Variants in MPZL1 observed in about 807,000 individuals in gnomAD.
MPZL1 encodes myelin protein zero-like protein 1.
In MPZL1, 16 loss-of-function variants were observed where a neutral mutation model predicts 29.3. The observed-to-expected ratio is 0.55, with a 90% CI of 0.37 to 0.83. The LOEUF (loss-of-function observed/expected upper bound fraction) is 0.83. Ranked by LOEUF, MPZL1 falls within the 40% of genes least tolerant of loss-of-function variation. The pLI, the probability that MPZL1 is intolerant of heterozygous loss-of-function variation, is 0.00. For synonymous variants in MPZL1, 143 were observed against 132.0 expected, an observed-to-expected ratio of 1.08 and a Z score of -0.57; for missense variants, 279 against 332.9, an observed-to-expected ratio of 0.84 and a Z score of 1.26.
intron 1 of MPZL1, among the ~76,000 whole-genome samples, chr1:167,759,150 TA>T (rs1477321512): frequency 2.0e-5 from 3 of 152,250 alleles, no homozygotes; most frequent in Admixed American, 6.5e-5. Flanking sequence ...GCCATAATTA[TA>T]AATCCTTGGC....
intron 5 of MPZL1, among the ~76,000 whole-genome samples, chr1:167,778,516 G>C (rs1661418206): frequency 6.1e-5 from 9 of 146,638 alleles, no homozygotes. Flanking sequence ...GTGGAAAGAA[G>C]GAAGGAAGGA....
intron 1 of MPZL1, among the ~76,000 whole-genome samples, chr1:167,735,682 C>T (rs778789808): frequency 3.9e-5 from 6 of 152,128 alleles, no homozygotes; most frequent in Non-Finnish European, 7.3e-5. Flanking sequence ...AGTCCAAAGG[C>T]GGTCTGCTGG....
chr1:167,766,898 A>G (rs1661126852), intron 2 of MPZL1, among the ~76,000 whole-genome samples: 1 of 152,216 alleles, frequency 6.6e-6, no homozygotes, highest in Non-Finnish European at 1.5e-5. Context: ...ACGGCCTCAT[A>G]GGTTTTAGGG....
chr1:167,786,278 T>TA (rs1242737007), intron 5 of MPZL1, among the ~76,000 whole-genome samples: 1 of 152,238 alleles, frequency 6.6e-6, no homozygotes, highest in Admixed American at 6.5e-5. Context: ...CTTGACCAGT[T>TA]ACCTCAGTGC....
intron 1 of MPZL1, among the ~76,000 whole-genome samples, chr1:167,742,445 C>A (rs1660551154): frequency 6.6e-6 from 1 of 151,926 alleles, no homozygotes; most frequent in Admixed American, 6.6e-5. Context: ...AAGATACTTG[C>A]CAACTTTTAA....
At position 167,722,217 on chromosome 1, in the gene MPZL1, G is replaced by C; in HGVS notation, c.66G>C (p.Ser22=). ...AAPDSRRWLW[S]VLAAALGLLT... is the part of the protein sequence containing the mutation. ...CAGACAGCCGGCGCTGGCTGTGGTC[G>C]GTGCTGGCGGCGGCGCTTGGGCTCT... Residue 22 remains serine (S), a synonymous_variant, in exon 1 of 6, where the codon TCG becomes TCC. Transcript: ENST00000359523. 1 of 1,239,358 alleles carries C rather than the reference G, an allele frequency of 8.1e-7. No individual in the cohort carries two copies. The allele number at this position is 1,239,358 out of a possible 1,614,324, so 76.8% of individuals were successfully genotyped here. A position where few individuals can be genotyped will look rare whatever the true frequency, so the allele number is the denominator to read the frequency against.
chr1:167,767,655 T>C (rs1661144479), intron 2 of MPZL1, among the ~76,000 whole-genome samples: 1 of 152,194 alleles, frequency 6.6e-6, no homozygotes, highest in Admixed American at 6.5e-5. Flanking sequence ...TTTGTTTTTA[T>C]AGGTTTTACA....
intron 1 of MPZL1, among the ~76,000 whole-genome samples, chr1:167,733,357 G>GT (rs1386639134): frequency 6.6e-6 from 1 of 152,180 alleles, no homozygotes; most frequent in African/African-American, 2.4e-5. Context: ...AGTTCCCACT[G>GT]TAAGTTCTAG....
At chr1:167,741,417 C>A (rs938931873) in intron 1 of MPZL1, among the ~76,000 whole-genome samples, 8 of 145,646 alleles carry the variant, frequency 5.5e-5, no homozygotes, top group African/African-American at 1.8e-4. Flanking sequence ...CCTCCGCCTC[C>A]CAGATTCCAG....
chr1:167,767,543 A>G (rs1661140977), intron 2 of MPZL1, among the ~76,000 whole-genome samples: 1 of 152,220 alleles, frequency 6.6e-6, no homozygotes, highest in African/African-American at 2.4e-5. Context: ...ATACTTACAC[A>G]CGAGTCTGAT....
intron 5 of MPZL1, among the ~76,000 whole-genome samples, chr1:167,783,316 C>T (rs1003919445): frequency 3.3e-5 from 5 of 152,056 alleles, no homozygotes; most frequent in African/African-American, 1.2e-4. Flanking sequence ...AGTGTTAAGG[C>T]ACTGTGGAAA....
Position 167,787,870 on chromosome 1 carries a change from C to T in MPZL1, c.759C>T (p.Asp253=). The T allele has an allele frequency of 6.2e-7, 1 of 1,613,840 alleles. No homozygotes were observed. Among genetic ancestry groups the T allele is most frequent in the Non-Finnish European group, 8.5e-7 (1 of 1,179,762 alleles). ...QLDHSGGHHS[D]KINKSESVVY... ...ACCACTCCGGCGGACATCACAGTGA[C>T]AAGATTAACAAGTCAGAGTCTGTGG... The change falls in exon 6 of 6, where the codon GAC becomes GAT. Residue 253 remains aspartate, a synonymous_variant. Transcript: ENST00000359523.
chr1:167,728,034 ATTTT>A (rs35770520), intron 1 of MPZL1, among the ~76,000 whole-genome samples: 9 of 104,082 alleles, frequency 8.6e-5, no homozygotes, highest in African/African-American at 2.8e-4. Context: ...CGCCCAACTA[ATTTT>A]TTTTTTTTTT....
At chr1:167,766,624 A>G (rs1661119485) in intron 2 of MPZL1, among the ~76,000 whole-genome samples, 1 of 152,196 alleles carries the variant, frequency 6.6e-6, no homozygotes, top group South Asian at 2.1e-4. Flanking sequence ...TCTGTCATCT[A>G]TCTTTAAGAA....
At chr1:167,742,906 G>A (rs759004757) in intron 1 of MPZL1, among the ~76,000 whole-genome samples, 2 of 151,988 alleles carry the variant, frequency 1.3e-5, no homozygotes, top group Non-Finnish European at 2.9e-5. Flanking sequence ...TTCCCCACTT[G>A]ATGTTTTTGT....
chr1:167,748,866 A>G (rs1249884708), intron 1 of MPZL1, among the ~76,000 whole-genome samples: 1 of 152,124 alleles, frequency 6.6e-6, no homozygotes, highest in African/African-American at 2.4e-5. Context: ...GCACTAAAGA[A>G]CTTCCTCAGT....
intron 1 of MPZL1, among the ~76,000 whole-genome samples, chr1:167,755,614 A>T (rs921612115): frequency 1.3e-5 from 2 of 152,198 alleles, no homozygotes; most frequent in Admixed American, 6.5e-5. Context: ...GAACCAAGAA[A>T]TGTTTGGATG....
chr1:167,777,361 GC>G (rs1661391672), intron 5 of MPZL1, among the ~76,000 whole-genome samples: 1 of 152,182 alleles, frequency 6.6e-6, no homozygotes, highest in Non-Finnish European at 1.5e-5. Context: ...CACAAATTAT[GC>G]AGCACTGTCA....
Position 167,762,024 on chromosome 1 carries a change from A to G in MPZL1, c.92-3559A>G, listed in dbSNP as rs562624150. 5.9e-5 allele frequency among the ~76,000 whole-genome samples: 9 copies of G among 152,296 alleles called. No homozygotes were observed. The East Asian group carries it at 9.6e-4, about 16-fold the overall frequency. On this transcript the variant is annotated intron_variant, in intron 1 of 5. Transcript: ENST00000359523. ...ATATTGGAAAGCTAAGAGGTGGTCA[A>G]TTAGGGAGTAGAGAAGCCTGAAACT...
Sources: gnomAD v4.1 joint callset for allele counts (sites outside exome capture counted in the v4.1 genomes callset) on GRCh38, gnomAD v4.1.1 for gene constraint, MANE v1.5 for transcripts, NCBI Gene and HGNC (gene_info 2026-07-23, HGNC 2026-07-21) for gene names.